EPHA10: variants seen among roughly 807,000 people sequenced by gnomAD.
EPHA10 encodes ephrin type-A receptor 10.
In EPHA10, 120 loss-of-function variants were observed where a neutral mutation model predicts 109.7. The observed-to-expected ratio is 1.09, with a 90% CI of 0.94 to 1.27. The LOEUF (loss-of-function observed/expected upper bound fraction) is 1.27. EPHA10 is among the 50% of genes most tolerant of loss of function. The probability of loss-of-function intolerance (pLI) is 0.00; values close to 1 mark genes in which losing one functional copy is unlikely to be tolerated. For synonymous variants in EPHA10, 640 were observed against 618.9 expected (o/e 1.03, Z -0.51); for missense variants, 1,396 against 1,411.1 (o/e 0.99, Z 0.17).
At chr1:37,758,916 T>G (rs1646411192) in intron 3 of EPHA10, among the ~76,000 whole-genome samples, 2 of 152,202 alleles carry the variant, frequency 1.3e-5, no homozygotes, top group South Asian at 4.1e-4. Context: ...CAATCCCCAG[T>G]AGCATGTAAG....
rs748660646 is a variant in EPHA10, at chr1:37,720,822, G to A, written c.2169C>T (p.Thr723=). The A allele has an allele frequency of 9.3e-6, 15 of 1,613,930 alleles. No homozygotes were observed. In the African/African-American group the frequency reaches 1.1e-4, roughly 11 times the overall value. Residue 723 remains threonine, a synonymous_variant, in exon 12 of 17, where the codon ACC becomes ACT. Transcript: ENST00000373048. ...VTRGSTLMIV[T]EYMSHGALDG... ...CCAGGGCCCCATGGCTCATGTACTC[G>A]GTGACAATCATCAAGGTGCTTCCTG...
Position 37,720,775 on chromosome 1 carries a change from C to T in EPHA10, c.2208+8G>A, listed in dbSNP as rs980555135. On this transcript the variant is annotated splice_region_variant and intron_variant, in intron 12 of 16. Transcript: ENST00000373048. ...AAAGTGGTCATTGGCAGCCCCAGGGCCACTCACCCTGAGGAAGCCGTCCAG... is the reference window on the plus strand; with the variant it reads ...AAAGTGGTCATTGGCAGCCCCAGGGTCACTCACCCTGAGGAAGCCGTCCAG... 6.2e-7 allele frequency: 1 copy of T among 1,613,764 alleles called. No homozygotes were observed. The highest frequency in any genetic ancestry group is 1.3e-5 in the African/African-American group (1 of 74,926).
intron 2 of EPHA10, 118 bp from the exon 3 acceptor site, chr1:37,762,201 G>C: frequency 1.0e-6 from 1 of 956,272 alleles, no homozygotes; most frequent in Non-Finnish European, 1.5e-6. Flanking sequence ...GAAATTGTAA[G>C]ATGCAGCGCT....
At chr1:37,747,250 C>A (rs1646254088) in intron 5 of EPHA10, among the ~76,000 whole-genome samples, 1 of 152,018 alleles carries the variant, frequency 6.6e-6, no homozygotes, top group Non-Finnish European at 1.5e-5. Context: ...ACTGAACTTG[C>A]CTAGAAAAAG....
chr1:37,739,296 C>T (rs1020056934), intron 5 of EPHA10, among the ~76,000 whole-genome samples: 9 of 152,234 alleles, frequency 5.9e-5, no homozygotes, highest in East Asian at 5.8e-4. Context: ...TGAAACAATT[C>T]GTCACAAAAA....
chr1:37,735,459 A>T, intron 5 of EPHA10, 69 bp from the exon 6 acceptor site: 1 of 1,517,436 alleles, frequency 6.6e-7, no homozygotes, highest in Non-Finnish European at 8.9e-7. Context: ...TGCGGGGAAG[A>T]GGGTGCGGCG....
At chr1:37,753,340 A>T in intron 4 of EPHA10, 114 bp from the exon 5 acceptor site, 1 of 635,326 alleles carries the variant, frequency 1.6e-6, no homozygotes, top group African/African-American at 1.9e-5. Flanking sequence ...CAGGAGAAGC[A>T]GGGGCGCGAG....
chr1:37,720,677 G>A, intron 12 of EPHA10, 106 bp downstream of exon 12: 1 of 1,538,128 alleles, frequency 6.5e-7, no homozygotes, highest in Non-Finnish European at 8.9e-7. Context: ...GGTCAGCCCG[G>A]CCAGTGGGGA....
At chr1:37,758,434 C>T (rs1646407459) in intron 3 of EPHA10, among the ~76,000 whole-genome samples, 1 of 152,192 alleles carries the variant, frequency 6.6e-6, no homozygotes, top group African/African-American at 2.4e-5. Flanking sequence ...CTTTATCCCT[C>T]AATCTACTGC....
chr1:37,738,986 C>A (rs772851154), intron 5 of EPHA10, among the ~76,000 whole-genome samples: 1 of 152,106 alleles, frequency 6.6e-6, no homozygotes, highest in Admixed American at 6.6e-5. Flanking sequence ...GAACATCACA[C>A]ACCGGGGCCT....
chr1:37,719,737 C>CACAG lies in EPHA10; in HGVS notation c.2563-131_2563-130insCTGT, dbSNP rs1645757027. ...ATGCGCACACACAGACACAGACACA[C>CACAG]ACACACACACCCAAGGAAGCCTGGG... is the stretch of plus-strand genomic sequence containing the variant. On this transcript the variant is annotated intron_variant, in intron 14 of 16. Transcript: ENST00000373048. The CACAG allele has an allele frequency of 4.5e-5, 63 of 1,401,092 alleles. No homozygotes were observed. The Middle Eastern group carries it at 9.5e-4, about 21-fold the overall frequency. 86.8% of individuals were successfully genotyped at this position (1,401,092 alleles called of 1,614,324 possible).
intron 7 of EPHA10, among the ~76,000 whole-genome samples, chr1:37,731,025 CA>C (rs1168588750): frequency 6.6e-6 from 1 of 152,084 alleles, no homozygotes; most frequent in Admixed American, 6.5e-5. Flanking sequence ...CACTGCAATG[CA>C]ACCCCTTCAT....
intron 11 of EPHA10, 45 bp downstream of exon 11, chr1:37,721,615 C>A (rs2148310462): frequency 6.4e-7 from 1 of 1,556,230 alleles, no homozygotes; most frequent in South Asian, 1.2e-5. Flanking sequence ...TTTCCACCCC[C>A]CATACCCGTG....
chr1:37,720,894 C>T (rs756027806), intron 11 of EPHA10, 50 bp from the exon 12 acceptor site: 2 of 1,590,722 alleles, frequency 1.3e-6, no homozygotes, highest in Admixed American at 3.3e-5. Context: ...CTCCACTCCG[C>T]ACGCACACAA....
intron 5 of EPHA10, among the ~76,000 whole-genome samples, chr1:37,747,568 A>T (rs966230963): frequency 1.3e-5 from 2 of 151,282 alleles, no homozygotes; most frequent in East Asian, 3.9e-4. Context: ...AAAAAAAAAA[A>T]AACTTCAGGA....
intron 3 of EPHA10, among the ~76,000 whole-genome samples, chr1:37,755,330 A>T (rs1423276607): frequency 6.9e-6 from 1 of 144,146 alleles, no homozygotes; most frequent in Non-Finnish European, 1.5e-5. Context: ...GCATACATGC[A>T]CACACACACA....
chr1:37,732,056 C>T (rs1645992449), intron 6 of EPHA10, among the ~76,000 whole-genome samples: 1 of 152,182 alleles, frequency 6.6e-6, no homozygotes, highest in African/African-American at 2.4e-5. Context: ...CTGCAAGGCT[C>T]AGAGGACAGA....
chr1:37,749,309 G>A (rs1646287822), intron 5 of EPHA10, among the ~76,000 whole-genome samples: 2 of 152,000 alleles, frequency 1.3e-5, no homozygotes, highest in South Asian at 4.1e-4. Flanking sequence ...TATTTTTATT[G>A]AGAAAATGGA....
intron 8 of EPHA10, among the ~76,000 whole-genome samples, chr1:37,725,802 G>C (rs1645881412): frequency 6.6e-6 from 1 of 152,194 alleles, no homozygotes; most frequent in African/African-American, 2.4e-5. Context: ...GGACCACACG[G>C]TCTGGTGAGA....
Sources: gnomAD v4.1 joint callset for allele counts (sites outside exome capture counted in the v4.1 genomes callset) on GRCh38, gnomAD v4.1.1 for gene constraint, MANE v1.5 for transcripts, NCBI Gene and HGNC (gene_info 2026-07-23, HGNC 2026-07-21) for gene names.